PXDNL: variants seen among roughly 807,000 people sequenced by gnomAD.
The protein encoded by PXDNL is peroxidasin like, also known as probable oxidoreductase PXDNL.
A neutral mutation model predicts 150.8 loss-of-function variants in PXDNL; 145 were observed. The ratio of observed to expected loss-of-function variants is 0.96; its 90% confidence interval spans 0.84 to 1.10. PXDNL has a LOEUF of 1.10. Ranked by LOEUF, PXDNL falls within the 50% of genes least tolerant of loss-of-function variation. PXDNL has a pLI of 0.00. For synonymous variants in PXDNL, 757 were observed against 725.7 expected, an observed-to-expected ratio of 1.04 and a Z score of -0.69; for missense variants, 2,087 against 1,873.9, an observed-to-expected ratio of 1.11 and a Z score of -2.10.
intron 2 of PXDNL, among the ~76,000 whole-genome samples, chr8:51,630,444 TTAAAC>T (rs1382741355): frequency 6.6e-6 from 1 of 152,096 alleles, no homozygotes; most frequent in Non-Finnish European, 1.5e-5. Flanking sequence ...TGTGACCTAA[TTAAAC>T]TAAAGAGCTT....
intron 13 of PXDNL, among the ~76,000 whole-genome samples, chr8:51,425,863 G>A (rs553328721): frequency 1.3e-5 from 2 of 152,018 alleles, no homozygotes; most frequent in East Asian, 3.9e-4. Flanking sequence ...GAGAGGACAT[G>A]AACCGAAAGA....
At chr8:51,655,533 T>C (rs1000351496) in intron 1 of PXDNL, among the ~76,000 whole-genome samples, 1 of 152,190 alleles carries the variant, frequency 6.6e-6, no homozygotes, top group Non-Finnish European at 1.5e-5. Context: ...ACTTAGGGAC[T>C]GCTCTGCCTA....
chr8:51,486,748 G>GTT (rs1319506962), intron 5 of PXDNL, among the ~76,000 whole-genome samples: 128 of 55,786 alleles, frequency 2.3e-3, no homozygotes, highest in African/African-American at 7.0e-3. Context: ...ATGTTAAAAA[G>GTT]TTTATATATA....
intron 3 of PXDNL, among the ~76,000 whole-genome samples, chr8:51,568,715 T>C (rs1183817748): frequency 6.6e-6 from 1 of 151,904 alleles, no homozygotes; most frequent in African/African-American, 2.4e-5. Context: ...TTTCTTCCGA[T>C]CTGGTATTTC....
chr8:51,458,669 T>G lies in PXDNL; in HGVS notation c.813-1002A>C, dbSNP rs544529285. 6.6e-5 allele frequency among the ~76,000 whole-genome samples: 10 copies of G among 152,324 alleles called. 1 individual carries two copies. In the South Asian group the frequency reaches 2.1e-3, roughly 32 times the overall value. Reference sequence around the variant, plus strand: ...TCTCCCTTTAACTCATGTATTTGTTTTATAAAGCCAGGTAAACATTTTCCC... The same window carrying G: ...TCTCCCTTTAACTCATGTATTTGTTGTATAAAGCCAGGTAAACATTTTCCC... On this transcript the variant is annotated intron_variant, in intron 8 of 22. Coordinates refer to ENST00000356297, the MANE Select transcript of PXDNL (RefSeq NM_144651.5).
chr8:51,457,569 T>C lies in PXDNL; in HGVS notation c.911A>G (p.Gln304Arg), dbSNP rs1809964155. ...CCCAGCGGAATTTCTGGCCATGCAC[T>C]GATAGACACCTTGGTCTGACTCTCT... is the stretch of plus-strand genomic sequence containing the variant. ...NTRESDQGVY[Q>R]CMARNSAGEA... The change falls in exon 9 of 23, where the codon CAG (glutamine) becomes CGG (arginine). Residue 304 changes from glutamine (Q) to arginine (R), a missense_variant. Coordinates refer to ENST00000356297, the MANE Select transcript of PXDNL (RefSeq NM_144651.5). 2 of 1,613,932 alleles carry C rather than the reference T, an allele frequency of 1.2e-6. No homozygotes were observed. The highest frequency in any genetic ancestry group is 2.2e-5 in the East Asian group (1 of 44,868).
chr8:51,360,105 C>T (rs1226867702), intron 19 of PXDNL, among the ~76,000 whole-genome samples: 1 of 150,096 alleles, frequency 6.7e-6, no homozygotes. Flanking sequence ...TATATGCACA[C>T]ACCTATACAT....
chr8:51,384,997 G>C (rs2130821002), intron 17 of PXDNL, among the ~76,000 whole-genome samples: 1 of 152,224 alleles, frequency 6.6e-6, no homozygotes, highest in South Asian at 2.1e-4. Flanking sequence ...ATAAGACAGA[G>C]ATAAGTCCAG....
intron 1 of PXDNL, among the ~76,000 whole-genome samples, chr8:51,788,799 T>G (rs1296965153): frequency 6.6e-6 from 1 of 152,176 alleles, no homozygotes; most frequent in Non-Finnish European, 1.5e-5. Flanking sequence ...AACCTCATTC[T>G]CACATTGCAG....
chr8:51,791,485 C>T (rs2129256026), intron 1 of PXDNL, among the ~76,000 whole-genome samples: 1 of 152,352 alleles, frequency 6.6e-6, no homozygotes, highest in South Asian at 2.1e-4. Flanking sequence ...CATTCTCTAA[C>T]AGTCAGAGAG....
At chr8:51,505,589 T>C (rs75927519) in intron 4 of PXDNL, among the ~76,000 whole-genome samples, 2 of 152,228 alleles carry the variant, frequency 1.3e-5, no homozygotes, top group African/African-American at 4.8e-5. Context: ...AAAGGAGTAC[T>C]GTTGGCAGAA....
In PXDNL at chr8:51,681,875, A is replaced by G. The variant is rs11990235; in HGVS notation, c.165-27115T>C. Reference sequence around the variant, plus strand: ...TCCACTGGGCATGAGTACACTCAACATTCTTGATTATGAGATCTGTATAAA... The same window carrying G: ...TCCACTGGGCATGAGTACACTCAACGTTCTTGATTATGAGATCTGTATAAA... On this transcript the variant is annotated intron_variant, in intron 1 of 22. Coordinates refer to ENST00000356297, the MANE Select transcript of PXDNL (RefSeq NM_144651.5). Among the ~76,000 whole-genome samples the G allele has an allele frequency of 9.1e-3, 1,391 of 152,274 alleles. 22 individuals are homozygous for G. Among genetic ancestry groups the G allele is most frequent in the African/African-American group, 0.032 (1,336 of 41,544 alleles).
chr8:51,404,957 CG>C (rs1679470531), intron 17 of PXDNL, among the ~76,000 whole-genome samples: 1 of 152,172 alleles, frequency 6.6e-6, no homozygotes, highest in South Asian at 2.1e-4. Flanking sequence ...GCTGCAGGTC[CG>C]AGTCCTGCCC....
intron 7 of PXDNL, among the ~76,000 whole-genome samples, chr8:51,473,274 A>ACACAC (rs138310321): frequency 1.5e-5 from 2 of 133,940 alleles, no homozygotes; most frequent in Non-Finnish European, 1.6e-5. Flanking sequence ...GTAGAAAATA[A>ACACAC]ACACACACAC....
At chr8:51,426,511 C>A in intron 13 of PXDNL, 135 bp downstream of exon 13, 2 of 536,304 alleles carry the variant, frequency 3.7e-6, no homozygotes, top group Non-Finnish European at 6.6e-6. Context: ...AAACCTGCTG[C>A]AATGTAAAAG....
rs139828294 is a variant in PXDNL at position 51,762,841 on chromosome 8, C to G, written c.164+46340G>C. 1.7e-4 allele frequency among the ~76,000 whole-genome samples: 26 copies of G among 152,266 alleles called. No homozygotes were observed. In the East Asian group the frequency reaches 4.8e-3, roughly 28 times the overall value. ...TAAAATCATTTTACAGAGTTTGACT[C>G]TTTTCATCACCAGAAGCTATATAGA... On this transcript the variant is annotated intron_variant, in intron 1 of 22. Transcript: ENST00000356297.
At chr8:51,534,357 G>T (rs1209721894) in intron 4 of PXDNL, among the ~76,000 whole-genome samples, 2 of 148,266 alleles carry the variant, frequency 1.3e-5, no homozygotes, top group East Asian at 2.0e-4. Context: ...GGAGGTGGGG[G>T]GGGGTCAGCC....
At chr8:51,366,614 A>T (rs144650736) in intron 19 of PXDNL, among the ~76,000 whole-genome samples, 2,366 of 151,834 alleles carry the variant, frequency 0.016, 63 homozygotes, top group African/African-American at 0.052. Context: ...ATAATGGGAA[A>T]AATAAATAAG....
chr8:51,407,892 G>A (rs1027970357), intron 17 of PXDNL, among the ~76,000 whole-genome samples, 175 bp downstream of exon 17: 2 of 152,076 alleles, frequency 1.3e-5, no homozygotes, highest in African/African-American at 2.4e-5. Context: ...GAGCAGAAAG[G>A]GGGATTTCGG....
Sources: allele counts gnomAD v4.1 joint callset (sites outside exome capture counted in the v4.1 genomes callset), GRCh38; gene constraint gnomAD v4.1.1; transcripts MANE v1.5; gene names NCBI Gene and HGNC (gene_info 2026-07-23, HGNC 2026-07-21).